WDR7: variants seen among roughly 807,000 people sequenced by gnomAD.
WDR7 encodes the protein WD repeat domain 7, also known as WD repeat-containing protein 7.
In WDR7, 46 loss-of-function variants were observed where a neutral mutation model predicts 169.4. That is an observed-to-expected ratio of 0.27 (90% CI 0.21 to 0.35). The LOEUF (loss-of-function observed/expected upper bound fraction) is 0.35. Ranked by LOEUF, WDR7 falls within the 10% of genes least tolerant of loss-of-function variation. WDR7 has a pLI of 1.00. For synonymous variants in WDR7, 612 were observed against 666.8 expected (o/e 0.92, Z 1.27); for missense variants, 1,534 against 1,859.3 (o/e 0.83, Z 3.22).
rs1297152874 is a variant in WDR7, at chr18:56,725,526, G to T, written c.1775-5857G>T. ...TTTGTTTTTTTCTTGTAAATTTGTT[G>T]GAGTTCATTGTAGATTTTGGATATT... On this transcript the variant is annotated intron_variant, in intron 13 of 27. Transcript: ENST00000254442. Among the ~76,000 whole-genome samples, 22 of 152,022 alleles carry T rather than the reference G, an allele frequency of 1.4e-4. No individual in the cohort carries two copies. The Middle Eastern group carries it at 0.01, about 71-fold the overall frequency.
Position 56,705,911 on chromosome 18 carries a change from T to G in WDR7, c.1578+9449T>G, listed in dbSNP as rs537798161. 6.6e-5 allele frequency among the ~76,000 whole-genome samples: 10 copies of G among 152,252 alleles called. No individual in the cohort carries two copies. The South Asian group carries it at 2.1e-3, about 32-fold the overall frequency. ...TACTCGGGAGGCTGAGGCAGGAAAG[T>G]CCCTTGAACCTGGGAGGTGGAGGTT... On this transcript the variant is annotated intron_variant, in intron 12 of 27. Coordinates refer to ENST00000254442, the MANE Select transcript of WDR7 (RefSeq NM_015285.3).
intron 14 of WDR7, among the ~76,000 whole-genome samples, chr18:56,745,360 C>G (rs1043364508): frequency 3.3e-5 from 5 of 152,138 alleles, no homozygotes; most frequent in African/African-American, 1.2e-4. Context: ...AGTGTGACAT[C>G]TAATTAGAAT....
At chr18:56,771,566 C>G (rs28612912) in intron 16 of WDR7, among the ~76,000 whole-genome samples, 1,857 of 144,146 alleles carry the variant, frequency 0.013, 46 homozygotes, top group African/African-American at 0.046. Context: ...TACCCTCCCC[C>G]ACCCCCCCCC....
At chr18:57,016,941 C>G (rs1043312277) in intron 26 of WDR7, among the ~76,000 whole-genome samples, 1 of 152,170 alleles carries the variant, frequency 6.6e-6, no homozygotes, top group Non-Finnish European at 1.5e-5. Flanking sequence ...AGGCATGATA[C>G]TCATTCGCAT....
intron 19 of WDR7, among the ~76,000 whole-genome samples, chr18:56,813,180 TAAAAAAAAAAAACATTA>T (rs2044903821): frequency 7.5e-6 from 1 of 133,392 alleles, no homozygotes; most frequent in South Asian, 2.4e-4. Context: ...TAGAGTATAA[TAAAAAAAAAAAACATTA>T]AAAAAAAAAA....
chr18:56,848,967 C>T (rs542771417), intron 20 of WDR7, among the ~76,000 whole-genome samples: 2 of 152,304 alleles, frequency 1.3e-5, no homozygotes, highest in African/African-American at 2.4e-5. Context: ...ACTATCTTAA[C>T]TTTTCCCACT....
At chr18:57,022,948 T>C (rs1741056642) in intron 27 of WDR7, among the ~76,000 whole-genome samples, 1 of 152,250 alleles carries the variant, frequency 6.6e-6, no homozygotes, top group African/African-American at 2.4e-5. Context: ...CAAGCTCACC[T>C]ACTCCAAGGG....
intron 20 of WDR7, among the ~76,000 whole-genome samples, chr18:56,877,954 C>T (rs1220179213): frequency 6.6e-6 from 1 of 152,036 alleles, no homozygotes; most frequent in East Asian, 1.9e-4. Context: ...TAGTTGTGTA[C>T]ATGTTAGTCA....
chr18:56,717,893 G>C, intron 12 of WDR7, 71 bp from the exon 13 acceptor site: 1 of 1,433,972 alleles, frequency 7.0e-7, no homozygotes, highest in Non-Finnish European at 9.3e-7. Flanking sequence ...TTTGCCTTAA[G>C]TTATTGAAAA....
chr18:56,946,001 G>A lies in WDR7; in HGVS notation c.4064+6608G>A, dbSNP rs2047098215. On this transcript the variant is annotated intron_variant, in intron 25 of 27. Transcript: ENST00000254442. ...CAGAGATACACCATGAGCTTTTAAA[G>A]ACTTGATCTTAGTGCCACAGAATGC... 2.0e-5 allele frequency among the ~76,000 whole-genome samples: 3 copies of A among 152,204 alleles called. No individual in the cohort carries two copies. The South Asian group carries it at 6.2e-4, about 32-fold the overall frequency.
Position 56,756,996 on chromosome 18 carries a change from G to A in WDR7, c.2403G>A (p.Lys801=). 6.2e-7 allele frequency: 1 copy of A among 1,614,154 alleles called. No homozygotes were observed. The highest frequency in any genetic ancestry group is 8.5e-7 in the Non-Finnish European group (1 of 1,180,028). The change falls in exon 15 of 28, where the codon AAG becomes AAA. Residue 801 remains lysine (K), a synonymous_variant. Transcript: ENST00000254442. ...LEYNLTMDTA[K]LFMSCLHAWG... ...ATAATTTAACTATGGACACTGCAAA[G>A]CTGTTTATGTCCTGCCTTCACGCCT...
chr18:56,715,617 T>C (rs990979706), intron 12 of WDR7, among the ~76,000 whole-genome samples: 60 of 152,196 alleles, frequency 3.9e-4, no homozygotes, highest in Admixed American at 1.9e-3. Flanking sequence ...GCGGATTGCT[T>C]GAGCCCAGGA....
At chr18:57,025,374 ATTAT>A (rs2048353275) in intron 27 of WDR7, among the ~76,000 whole-genome samples, 1 of 152,182 alleles carries the variant, frequency 6.6e-6, no homozygotes, top group Non-Finnish European at 1.5e-5. Flanking sequence ...GCTCATCATC[ATTAT>A]TTATATTTTA....
At chr18:56,814,805 A>T (rs932871295) in intron 19 of WDR7, among the ~76,000 whole-genome samples, 2 of 148,018 alleles carry the variant, frequency 1.4e-5, no homozygotes, top group African/African-American at 2.5e-5. Flanking sequence ...GTTAAAAATT[A>T]AAAAAAAAAA....
chr18:56,671,869 T>C (rs571088224), intron 1 of WDR7, among the ~76,000 whole-genome samples: 15 of 152,326 alleles, frequency 9.8e-5, no homozygotes, highest in African/African-American at 3.4e-4. Context: ...ACACATACAA[T>C]GTTCAGAAGA....
intron 13 of WDR7, among the ~76,000 whole-genome samples, chr18:56,722,707 G>A (rs2026348687): frequency 6.6e-6 from 1 of 151,978 alleles, no homozygotes; most frequent in South Asian, 2.1e-4. Flanking sequence ...TTTGAAGGAA[G>A]GGGTTGTTAG....
chr18:56,971,148 T>A (rs1263916466), intron 26 of WDR7, among the ~76,000 whole-genome samples: 2 of 152,028 alleles, frequency 1.3e-5, no homozygotes, highest in Non-Finnish European at 2.9e-5. Context: ...GATAGGTGCC[T>A]GTAATCCCAG....
At chr18:56,897,636 A>G (rs2046347930) in intron 21 of WDR7, among the ~76,000 whole-genome samples, 1 of 152,002 alleles carries the variant, frequency 6.6e-6, no homozygotes, top group African/African-American at 2.4e-5. Flanking sequence ...TTATGTTGTC[A>G]CATAAAAATT....
At chr18:57,032,830 TA>T (rs2048449646), downstream of WDR7, 1 of 107,356 alleles carries the variant, frequency 9.3e-6, no homozygotes, top group Admixed American at 9.4e-5. Flanking sequence ...TATATATATA[TA>T]TATATATATA....
Sources: allele counts gnomAD v4.1 joint callset (sites outside exome capture counted in the v4.1 genomes callset), GRCh38; gene constraint gnomAD v4.1.1; transcripts MANE v1.5; gene names NCBI Gene and HGNC (gene_info 2026-07-23, HGNC 2026-07-21).